The following UNC79 variants were observed in gnomAD, a reference collection of about 807,000 sequenced individuals.
UNC79 encodes unc-79 subunit of NALCN channel complex.
A neutral mutation model predicts 283.1 loss-of-function variants in UNC79; 37 were observed. The ratio of observed to expected loss-of-function variants is 0.13; its 90% confidence interval spans 0.10 to 0.17. The LOEUF is 0.17. Among genes scored for constraint, UNC79 ranks in the 10% least tolerant of loss-of-function variants. The pLI, the probability that UNC79 is intolerant of heterozygous loss-of-function variation, is 1.00. For synonymous variants in UNC79, 1,107 were observed against 1,200.2 expected (o/e 0.92, Z 1.61); for missense variants, 2,272 against 3,211.1 (o/e 0.71, Z 7.07).
chr14:93,419,771 C>T (rs1013111605), intron 1 of UNC79, among the ~76,000 whole-genome samples: 15 of 151,484 alleles, frequency 9.9e-5, no homozygotes, highest in African/African-American at 3.6e-4. Flanking sequence ...GAAATTAAAT[C>T]ATGCTATCAT....
At chr14:93,404,493 A>AAAAAAAAAAAAAATATAT in intron 1 of UNC79, among the ~76,000 whole-genome samples, 2 of 61,510 alleles carry the variant, frequency 3.3e-5, no homozygotes, top group Non-Finnish European at 6.4e-5. Context: ...TTCTAAAAAA[A>AAAAAAAAAAAAAATATAT]ATATATATAT....
intron 1 of UNC79, among the ~76,000 whole-genome samples, chr14:93,352,613 A>G (rs540734344): frequency 1.3e-5 from 2 of 152,294 alleles, no homozygotes; most frequent in African/African-American, 4.8e-5. Flanking sequence ...GTTTTGTTCT[A>G]TAAAGGCACT....
At chr14:93,516,648 T>C (rs964991183) in intron 7 of UNC79, among the ~76,000 whole-genome samples, 4 of 152,050 alleles carry the variant, frequency 2.6e-5, no homozygotes, top group Non-Finnish European at 5.9e-5. Context: ...GGTTTCACCA[T>C]ATTAGCCAGG....
intron 14 of UNC79, among the ~76,000 whole-genome samples, chr14:93,562,681 C>T (rs1043289977): frequency 3.3e-5 from 5 of 152,152 alleles, no homozygotes; most frequent in South Asian, 4.2e-4. Context: ...TAGTAAAGGC[C>T]GGTCCATTAT....
upstream of UNC79, among the ~76,000 whole-genome samples, chr14:93,426,545 T>C (rs1309946528): frequency 6.6e-6 from 1 of 151,726 alleles, no homozygotes; most frequent in Non-Finnish European, 1.5e-5. Context: ...TATGTTCCTT[T>C]TCCTCTAATT....
chr14:93,698,838 G>T (rs368004190), intron 47 of UNC79, among the ~76,000 whole-genome samples: 1 of 152,088 alleles, frequency 6.6e-6, no homozygotes, highest in Non-Finnish European at 1.5e-5. Flanking sequence ...GTGGTGCATG[G>T]CATAATGTAA....
At chr14:93,475,684 T>C (rs1000769003) in intron 3 of UNC79, among the ~76,000 whole-genome samples, 3 of 152,326 alleles carry the variant, frequency 2.0e-5, no homozygotes, top group Middle Eastern at 3.4e-3. Context: ...TCGTGACTAC[T>C]AGTCCTGAAC....
At chr14:93,355,330 C>T (rs1288702862) in intron 1 of UNC79, among the ~76,000 whole-genome samples, 1 of 152,226 alleles carries the variant, frequency 6.6e-6, no homozygotes, top group African/African-American at 2.4e-5. Context: ...TCCCAAGTAG[C>T]TGGGATTATA....
In UNC79 at chr14:93,431,064, C is replaced by T. The variant is rs1028526150; in HGVS notation, c.22+13C>T. ...AAAGCGGAGCAGTGTAAGTAGCAGCCGGCCCGGCATTCCGGCCCGGCCTCG... is the reference window on the plus strand; with the variant it reads ...AAAGCGGAGCAGTGTAAGTAGCAGCTGGCCCGGCATTCCGGCCCGGCCTCG... On this transcript the variant is annotated intron_variant, in intron 1 of 48. Transcript: ENST00000555664. 3 of 700,224 alleles carry T rather than the reference C, an allele frequency of 4.3e-6. No homozygotes were observed. The highest frequency in any genetic ancestry group is 2.6e-6 in the Non-Finnish European group (1 of 383,980). 43.4% of individuals were successfully genotyped at this position (700,224 alleles called of 1,614,324 possible).
chr14:93,422,516 C>T (rs1185046025), intron 1 of UNC79, among the ~76,000 whole-genome samples: 2 of 152,138 alleles, frequency 1.3e-5, no homozygotes, highest in Non-Finnish European at 2.9e-5. Context: ...TCTGACCCCT[C>T]CATTCCCATC....
intron 1 of UNC79, among the ~76,000 whole-genome samples, chr14:93,412,335 G>T (rs2055352555): frequency 6.6e-6 from 1 of 152,028 alleles, no homozygotes. Flanking sequence ...GCCTTAAAGA[G>T]GAGGTGGAGA....
rs561347829 is a variant in UNC79, at chr14:93,366,465, T to C, written c.-351+32942T>C. Among the ~76,000 whole-genome samples, 21 of 152,296 alleles carry C rather than the reference T, an allele frequency of 1.4e-4. No homozygotes were observed. In the South Asian group the frequency reaches 4.4e-3, roughly 32 times the overall value. ...GAAAACTCAAGTCTTGCTAAGCTTT[T>C]ATTATTTTATATATTTAGGGTTGAG... On this transcript the variant is annotated intron_variant, in intron 1 of 49. Coordinates refer to the UNC79 transcript ENST00000256339.
chr14:93,605,803 G>A (rs148618271), intron 26 of UNC79, among the ~76,000 whole-genome samples: 2 of 152,268 alleles, frequency 1.3e-5, no homozygotes, highest in East Asian at 1.9e-4. Flanking sequence ...GAGGGAGTCC[G>A]AAGTGGGAGG....
chr14:93,576,820 C>T (rs1388715416), intron 17 of UNC79, among the ~76,000 whole-genome samples: 1 of 152,160 alleles, frequency 6.6e-6, no homozygotes, highest in Non-Finnish European at 1.5e-5. Context: ...TCTCTCTCCT[C>T]CAGGTCTCAG....
chr14:93,513,273 C>T (rs1333827807), intron 7 of UNC79, among the ~76,000 whole-genome samples: 1 of 142,622 alleles, frequency 7.0e-6, no homozygotes, highest in Non-Finnish European at 1.5e-5. Context: ...GGCTGGAGTG[C>T]AATGGCATCA....
At chr14:93,496,362 T>C (rs1165266016) in intron 5 of UNC79, 49 bp from the exon 6 acceptor site, 2 of 1,259,892 alleles carry the variant, frequency 1.6e-6, no homozygotes, top group South Asian at 3.0e-5. Flanking sequence ...AAAGGATGTT[T>C]TGTCTGGTAT....
chr14:93,467,861 A>AT lies in UNC79; in HGVS notation c.143+75dup, dbSNP rs531565002. The AT allele has an allele frequency of 2.3e-4, 325 of 1,424,182 alleles. No homozygotes were observed. In the East Asian group the frequency reaches 8.2e-3, roughly 36 times the overall value. The allele number at this position is 1,424,182 out of a possible 1,614,324, so 88.2% of individuals were successfully genotyped here. A position where few individuals can be genotyped will look rare whatever the true frequency, so the allele number is the denominator to read the frequency against. On this transcript the variant is annotated intron_variant, in intron 2 of 48. Coordinates refer to ENST00000555664, the Ensembl canonical transcript of UNC79. ...TATTGCTGAATTTATTGGGATCTAA[A>AT]TTTTTATTGAATTGCAAGTTTTAAA...
intron 1 of UNC79, among the ~76,000 whole-genome samples, chr14:93,383,157 G>A (rs987197882): frequency 2.0e-5 from 3 of 152,076 alleles, no homozygotes; most frequent in African/African-American, 7.2e-5. Flanking sequence ...GACCGTTTTG[G>A]GTCTTTCTCA....
At chr14:93,608,743 G>A (rs1440287468) in intron 26 of UNC79, among the ~76,000 whole-genome samples, 2 of 152,176 alleles carry the variant, frequency 1.3e-5, no homozygotes, top group African/African-American at 4.8e-5. Flanking sequence ...CAGTGAGTCA[G>A]TTCACATAGA....
Sources: allele counts gnomAD v4.1 joint callset (sites outside exome capture counted in the v4.1 genomes callset), GRCh38; gene constraint gnomAD v4.1.1; transcripts MANE v1.5; gene names NCBI Gene and HGNC (gene_info 2026-07-23, HGNC 2026-07-21).